Variants in SPECC1L observed in about 807,000 individuals in gnomAD.
SPECC1L encodes cytospin-A.
SPECC1L carries 40 observed loss-of-function variants against 116.8 expected under a neutral mutation model. That is an observed-to-expected ratio of 0.34 (90% CI 0.27 to 0.45). The LOEUF is 0.45. Among genes scored for constraint, SPECC1L ranks in the 20% least tolerant of loss-of-function variants. SPECC1L has a pLI of 1.00. For synonymous variants in SPECC1L, 504 were observed against 500.6 expected, an observed-to-expected ratio of 1.01 and a Z score of -0.09; for missense variants, 1,110 against 1,373.6, an observed-to-expected ratio of 0.81 and a Z score of 3.03.
chr22:24,331,179 G>C (rs1325295451), intron 8 of SPECC1L, among the ~76,000 whole-genome samples: 1 of 152,196 alleles, frequency 6.6e-6, no homozygotes, highest in Non-Finnish European at 1.5e-5. Flanking sequence ...AAGAGTAGGG[G>C]ATAGTATTTT....
chr22:24,334,495 A>C lies in SPECC1L; in HGVS notation c.2482A>C (p.Ser828Arg). The C allele has an allele frequency of 6.2e-7, 1 of 1,614,176 alleles. No homozygotes were observed. Among genetic ancestry groups the C allele is most frequent in the Non-Finnish European group, 8.5e-7 (1 of 1,180,016 alleles). ...AGCCTTAAGGCAGGGAATGGGACTG[A>C]GTAGAAGGTCCTCGACTTCCTCAGA... is the stretch of plus-strand genomic sequence containing the variant. Reference protein sequence around the residue: ...LAALRQGMGLSRRSSTSSEPT... With the variant: ...LAALRQGMGLRRRSSTSSEPT... The change falls in exon 9 of 17, where the codon AGT (serine) becomes CGT (arginine). Residue 828 changes from serine to arginine, a missense_variant. Transcript: ENST00000314328.
chr22:24,379,232 G>A (rs1601314504), intron 14 of SPECC1L, among the ~76,000 whole-genome samples: 2 of 151,396 alleles, frequency 1.3e-5, no homozygotes. Flanking sequence ...AAAAAAAATA[G>A]CCAGGCATGG....
At position 24,378,197 on chromosome 22, in the gene SPECC1L, G is replaced by A. The variant is rs138476606; in HGVS notation, c.3087+8877G>A. On this transcript the variant is annotated intron_variant, in intron 14 of 16. Coordinates refer to ENST00000314328, the MANE Select transcript of SPECC1L (RefSeq NM_015330.6). Reference sequence around the variant, plus strand: ...CCTTGCACTTATATGTTATGGAGATGGCTTCTTTCCTTCAATATCATGAGC... The same window carrying A: ...CCTTGCACTTATATGTTATGGAGATAGCTTCTTTCCTTCAATATCATGAGC... 2.2e-3 allele frequency among the ~76,000 whole-genome samples: 342 copies of A among 152,322 alleles called. 3 individuals carry two copies. The highest frequency in any genetic ancestry group is 7.8e-3 in the African/African-American group (325 of 41,572).
chr22:24,323,249 C>G (rs2040755810), intron 5 of SPECC1L, among the ~76,000 whole-genome samples: 1 of 152,184 alleles, frequency 6.6e-6, no homozygotes, highest in Non-Finnish European at 1.5e-5. Context: ...CCCGCCTCAT[C>G]TCGAATCTGT....
chr22:24,279,662 A>G (rs1361800477), intron 2 of SPECC1L, among the ~76,000 whole-genome samples: 1 of 151,882 alleles, frequency 6.6e-6, no homozygotes, highest in African/African-American at 2.4e-5. Context: ...AGCTCACTGC[A>G]GCCTCCACCT....
intron 1 of SPECC1L, among the ~76,000 whole-genome samples, chr22:24,273,119 C>T (rs896339432): frequency 2.6e-5 from 4 of 152,090 alleles, no homozygotes; most frequent in African/African-American, 9.7e-5. Flanking sequence ...CAAAGGTGAA[C>T]TTTTAGGAGG....
rs369078062 is a variant in SPECC1L at position 24,321,595 on chromosome 22, A to G, written c.615A>G (p.Glu205=). Residue 205 remains glutamate (E), a synonymous_variant, in exon 5 of 17, where the codon GAA becomes GAG. Transcript: ENST00000314328. Reference sequence around the variant, plus strand: ...TAGAAATTTTACATTTGAGAAATGAACTGCGAGACATGCGTGCCCAGCTGG... The same window carrying G: ...TAGAAATTTTACATTTGAGAAATGAGCTGCGAGACATGCGTGCCCAGCTGG... ...KDVEILHLRN[E]LRDMRAQLGI... is the part of the protein sequence containing the mutation. The G allele has an allele frequency of 1.9e-6, 3 of 1,614,130 alleles. No homozygotes were observed. In the African/African-American group the frequency reaches 4.0e-5, roughly 22 times the overall value.
intron 14 of SPECC1L, among the ~76,000 whole-genome samples, chr22:24,407,782 T>C (rs2042620570): frequency 6.6e-6 from 1 of 152,224 alleles, no homozygotes; most frequent in South Asian, 2.1e-4. Flanking sequence ...CATTTTCATT[T>C]TGTAGTGGGC....
chr22:24,358,575 G>A (rs2041579022), intron 11 of SPECC1L, among the ~76,000 whole-genome samples: 1 of 152,132 alleles, frequency 6.6e-6, no homozygotes, highest in Admixed American at 6.5e-5. Flanking sequence ...GTGGACTTCA[G>A]AAGTCAATGA....
chr22:24,363,618 C>T (rs2041689089), intron 12 of SPECC1L, among the ~76,000 whole-genome samples: 1 of 152,174 alleles, frequency 6.6e-6, no homozygotes, highest in African/African-American at 2.4e-5. Flanking sequence ...CAGATTCTTT[C>T]TCAGTCTGTT....
intron 11 of SPECC1L, among the ~76,000 whole-genome samples, chr22:24,361,665 TCA>T (rs1455969123): frequency 6.8e-6 from 1 of 147,634 alleles, no homozygotes; most frequent in Non-Finnish European, 1.5e-5. Flanking sequence ...GTGTGGTGGC[TCA>T]CACCTGTAGT....
intron 1 of SPECC1L, among the ~76,000 whole-genome samples, chr22:24,271,353 C>G (rs188385487): frequency 2.0e-5 from 3 of 152,220 alleles, no homozygotes; most frequent in African/African-American, 4.8e-5. Flanking sequence ...CTGGGGCTGC[C>G]GCCCCATCGC....
intron 14 of SPECC1L, among the ~76,000 whole-genome samples, chr22:24,379,125 A>G (rs1344500576): frequency 6.6e-6 from 1 of 152,160 alleles, no homozygotes; most frequent in South Asian, 2.1e-4. Flanking sequence ...ATTTTAGAAC[A>G]TTATAAATTA....
chr22:24,350,480 T>G (rs957543320), intron 11 of SPECC1L, among the ~76,000 whole-genome samples: 4 of 152,110 alleles, frequency 2.6e-5, no homozygotes, highest in African/African-American at 7.2e-5. Context: ...TAGTAAATCT[T>G]TGCTGTTCAA....
At position 24,322,060 on chromosome 22, in the gene SPECC1L, T is replaced by C; in HGVS notation, c.1080T>C (p.Asp360=). ...SEVYQPLTSS[D]DALDAPSSSE... is the part of the protein sequence containing the mutation. ...TCTACCAGCCCCTCACATCGAGCGATGATGCGCTGGATGCACCATCCTCCT... is the reference window on the plus strand; with the variant it reads ...TCTACCAGCCCCTCACATCGAGCGACGATGCGCTGGATGCACCATCCTCCT... The change falls in exon 5 of 17, where the codon GAT becomes GAC. Residue 360 remains aspartate (D), a synonymous_variant. Transcript: ENST00000314328. 6.2e-7 allele frequency: 1 copy of C among 1,614,152 alleles called. No homozygotes were observed. Among genetic ancestry groups the C allele is most frequent in the Non-Finnish European group, 8.5e-7 (1 of 1,180,010 alleles).
chr22:24,410,801 G>A (rs750804454), intron 14 of SPECC1L, among the ~76,000 whole-genome samples: 2 of 152,100 alleles, frequency 1.3e-5, no homozygotes, highest in Admixed American at 6.6e-5. Context: ...ATGTGTGGGC[G>A]CACTTTGAGA....
chr22:24,279,923 A>G (rs1569400748), intron 2 of SPECC1L, among the ~76,000 whole-genome samples: 2 of 152,244 alleles, frequency 1.3e-5, no homozygotes, highest in South Asian at 4.1e-4. Context: ...CAGTCTCTAC[A>G]TTGTGAAGTG....
At chr22:24,405,318 C>A (rs2042563898) in intron 14 of SPECC1L, among the ~76,000 whole-genome samples, 2 of 151,894 alleles carry the variant, frequency 1.3e-5, no homozygotes, top group Admixed American at 1.3e-4. Context: ...TGGTATTGCT[C>A]CATGTGCAGC....
Position 24,416,409 on chromosome 22 carries a change from T to G in SPECC1L, c.*1786T>G, listed in dbSNP as rs3747115. On this transcript the variant is annotated 3_prime_UTR_variant, in exon 17 of 17. Transcript: ENST00000314328. Reference sequence around the variant, plus strand: ...AGACTCCTGGCCCCGTCCCGCCCCCTGTCTGAGTTGTGTTTTTGTTGCTGT... The same window carrying G: ...AGACTCCTGGCCCCGTCCCGCCCCCGGTCTGAGTTGTGTTTTTGTTGCTGT... The G allele has an allele frequency of 2.4e-4, 36 of 151,938 alleles. No homozygotes were observed. Among genetic ancestry groups the G allele is most frequent in the African/African-American group, 8.7e-4 (36 of 41,358 alleles). The allele number at this position is 151,938 out of a possible 1,614,324, so 9.4% of individuals were successfully genotyped here. A position where few individuals can be genotyped will look rare whatever the true frequency, so the allele number is the denominator to read the frequency against.
Sources: allele counts gnomAD v4.1 joint callset (sites outside exome capture counted in the v4.1 genomes callset), GRCh38; gene constraint gnomAD v4.1.1; transcripts MANE v1.5; gene names NCBI Gene and HGNC (gene_info 2026-07-23, HGNC 2026-07-21).